The following EGFLAM variants were observed in gnomAD, a reference collection of about 807,000 sequenced individuals.
The protein encoded by EGFLAM is EGF like, fibronectin type III and laminin G domains.
A neutral mutation model predicts 113.1 loss-of-function variants in EGFLAM; 79 were observed. The observed-to-expected ratio is 0.70, with a 90% confidence interval of 0.58 to 0.84. The LOEUF is 0.84. Ranked by LOEUF, EGFLAM falls within the 40% of genes least tolerant of loss-of-function variation. The pLI is 0.00. For missense variants in EGFLAM, 1,265 were observed against 1,291.6 expected, an observed-to-expected ratio of 0.98 and a Z score of 0.32; for synonymous variants, 504 against 487.6, an observed-to-expected ratio of 1.03 and a Z score of -0.44.
At position 38,440,986 on chromosome 5, in the gene EGFLAM, G is replaced by T. The variant is rs1456237850; in HGVS notation, c.2464+2531G>T. Among the ~76,000 whole-genome samples, 5 of 152,158 alleles carry T rather than the reference G, an allele frequency of 3.3e-5. No individual in the cohort carries two copies. The East Asian group carries it at 5.8e-4, about 18-fold the overall frequency. ...ACCTCTTGGTAACCCAGGAGAGCAG[G>T]GGCCAGAAACTCAGACAAATCCTGG... On this transcript the variant is annotated intron_variant, in intron 17 of 21. Transcript: ENST00000322350.
chr5:38,411,618 G>T (rs1741483076), intron 10 of EGFLAM, among the ~76,000 whole-genome samples: 1 of 150,056 alleles, frequency 6.7e-6, no homozygotes, highest in Non-Finnish European at 1.5e-5. Context: ...GAGTAGCTAG[G>T]ATTACAAGCA....
intron 11 of EGFLAM, among the ~76,000 whole-genome samples, chr5:38,417,728 C>T (rs564648648): frequency 1.3e-5 from 2 of 152,294 alleles, no homozygotes; most frequent in African/African-American, 4.8e-5. Context: ...ACACAGTCAA[C>T]TGGTGTCAAG....
intron 1 of EGFLAM, among the ~76,000 whole-genome samples, chr5:38,269,717 C>T (rs1424314060): frequency 2.0e-5 from 3 of 152,110 alleles, no homozygotes; most frequent in Non-Finnish European, 4.4e-5. Flanking sequence ...TCTCGATCTC[C>T]TGACCTCATG....
intron 1 of EGFLAM, among the ~76,000 whole-genome samples, chr5:38,329,567 T>C (rs2589830): frequency 0.055 from 8,436 of 152,122 alleles, 822 homozygotes; most frequent in African/African-American, 0.19. Context: ...CTAGAATCCT[T>C]GGAGTCACCT....
chr5:38,310,172 A>G (rs1738392218), intron 1 of EGFLAM, among the ~76,000 whole-genome samples: 1 of 152,236 alleles, frequency 6.6e-6, no homozygotes, highest in African/African-American at 2.4e-5. Flanking sequence ...GTAATCCTCC[A>G]AATCCCCAAA....
At position 38,258,813 on chromosome 5, in the gene EGFLAM, C is replaced by T. The variant is rs776047930; in HGVS notation, c.59C>T (p.Pro20Leu). The T allele has an allele frequency of 3.1e-6, 5 of 1,612,466 alleles. No homozygotes were observed. The East Asian group carries it at 6.7e-5, about 22-fold the overall frequency. The change falls in exon 1 of 22, where the codon CCC becomes CTC. Residue 20 changes from proline (P) to leucine (L), a missense_variant. Transcript: ENST00000322350. ...CTGCTCCTGGCTTCCAGCCTCGGAC[C>T]CGGCGCGGTGTCGCTCCGAGCGGCC... ...RLLLLASSLGPGAVSLRAAIR... is the reference protein window; with the variant it reads ...RLLLLASSLGLGAVSLRAAIR...
At chr5:38,356,917 A>G (rs1739776448) in intron 5 of EGFLAM, among the ~76,000 whole-genome samples, 3 of 152,168 alleles carry the variant, frequency 2.0e-5, no homozygotes, top group Admixed American at 6.5e-5. Flanking sequence ...CGAACACCCA[A>G]GGCGATGGTA....
chr5:38,266,009 C>A (rs1014511926), intron 1 of EGFLAM, among the ~76,000 whole-genome samples: 1 of 152,322 alleles, frequency 6.6e-6, no homozygotes, highest in Non-Finnish European at 1.5e-5. Flanking sequence ...TGACTGCTGA[C>A]GACAACATGT....
At chr5:38,415,850 AAGG>A (rs1741623670) in intron 11 of EGFLAM, among the ~76,000 whole-genome samples, 1 of 152,142 alleles carries the variant, frequency 6.6e-6, no homozygotes, top group African/African-American at 2.4e-5. Flanking sequence ...TGGCAGCAGC[AAGG>A]AGAAGTGCTG....
chr5:38,260,902 A>G (rs1474949412), intron 1 of EGFLAM, among the ~76,000 whole-genome samples: 12 of 152,124 alleles, frequency 7.9e-5, no homozygotes, highest in Non-Finnish European at 1.5e-5. Context: ...CTAATTTATA[A>G]TCTTCCCCAG....
At chr5:38,349,173 CT>C (rs1406441666) in intron 3 of EGFLAM, among the ~76,000 whole-genome samples, 8 of 152,156 alleles carry the variant, frequency 5.3e-5, no homozygotes, top group Admixed American at 3.9e-4. Flanking sequence ...GACATGGTCC[CT>C]GCTTTCAAGT....
At chr5:38,337,657 CG>C (rs1561283732) in intron 2 of EGFLAM, 28 bp downstream of exon 2, 21 of 1,553,532 alleles carry the variant, frequency 1.4e-5, no homozygotes, top group Non-Finnish European at 1.8e-5. Context: ...GGAGTTTCCT[CG>C]GTGGGTGTGT....
intron 1 of EGFLAM, among the ~76,000 whole-genome samples, chr5:38,326,252 A>G (rs1216716798): frequency 1.3e-5 from 2 of 152,218 alleles, no homozygotes; most frequent in Non-Finnish European, 2.9e-5. Flanking sequence ...ATGGTGAGAC[A>G]TCATTCAGAA....
chr5:38,397,369 C>T (rs1018374291), intron 6 of EGFLAM, among the ~76,000 whole-genome samples: 1 of 152,200 alleles, frequency 6.6e-6, no homozygotes, highest in Non-Finnish European at 1.5e-5. Flanking sequence ...CTTCTTCATG[C>T]AGAACCCAGC....
intron 15 of EGFLAM, 59 bp from the exon 16 acceptor site, chr5:38,435,078 G>A: frequency 6.9e-7 from 1 of 1,444,674 alleles, no homozygotes; most frequent in Non-Finnish European, 9.7e-7. Context: ...AGACACATTT[G>A]ATCATTTTGA....
intron 6 of EGFLAM, among the ~76,000 whole-genome samples, chr5:38,400,502 A>G (rs1741080672): frequency 6.6e-6 from 1 of 152,212 alleles, no homozygotes; most frequent in African/African-American, 2.4e-5. Context: ...GAGAATTCTT[A>G]TCACTGGCTT....
chr5:38,336,332 G>A (rs1024247856), intron 1 of EGFLAM, among the ~76,000 whole-genome samples: 3 of 152,154 alleles, frequency 2.0e-5, no homozygotes, highest in African/African-American at 7.2e-5. Flanking sequence ...CCAGCACTTT[G>A]GGAGGCCAAG....
At chr5:38,381,630 A>G (rs1224586959) in intron 6 of EGFLAM, among the ~76,000 whole-genome samples, 1 of 152,128 alleles carries the variant, frequency 6.6e-6, no homozygotes, top group African/African-American at 2.4e-5. Flanking sequence ...ATGGAAAGGG[A>G]GGGCCATCCA....
At chr5:38,445,828 TC>T (rs1256214982) in intron 17 of EGFLAM, 83 of 1,040,796 alleles carry the variant, frequency 8.0e-5, no homozygotes, top group Non-Finnish European at 1.2e-4. Flanking sequence ...GTGGGAAGCC[TC>T]CCCGCCGGCC....
Sources: gnomAD v4.1 joint callset for allele counts (sites outside exome capture counted in the v4.1 genomes callset) on GRCh38, gnomAD v4.1.1 for gene constraint, MANE v1.5 for transcripts, NCBI Gene and HGNC (gene_info 2026-07-23, HGNC 2026-07-21) for gene names.